Variants in GUCY1A2 observed in about 807,000 individuals in gnomAD.
GUCY1A2 encodes the protein guanylate cyclase 1 soluble subunit alpha 2.
GUCY1A2 carries 27 observed loss-of-function variants against 63.5 expected under a neutral mutation model. That is an observed-to-expected ratio of 0.43 (90% CI 0.31 to 0.59). The LOEUF is 0.59. GUCY1A2 is among the 20% of genes least tolerant of loss of function. GUCY1A2 has a pLI of 0.11. For synonymous variants in GUCY1A2, 364 were observed against 343.5 expected, an observed-to-expected ratio of 1.06 and a Z score of -0.66; for missense variants, 768 against 913.3, an observed-to-expected ratio of 0.84 and a Z score of 2.05.
At chr11:106,856,153 T>C (rs1859431352) in intron 4 of GUCY1A2, among the ~76,000 whole-genome samples, 3 of 151,592 alleles carry the variant, frequency 2.0e-5, no homozygotes, top group South Asian at 4.2e-4. Context: ...AGCCAGGCAT[T>C]GTGGTGGGTG....
chr11:106,688,508 G>A (rs1176353984), intron 7 of GUCY1A2, among the ~76,000 whole-genome samples: 2 of 152,142 alleles, frequency 1.3e-5, no homozygotes, highest in African/African-American at 4.8e-5. Context: ...GCTCTTGATA[G>A]ACTGTTTCTT....
At chr11:106,843,988 G>A (rs1407702402) in intron 4 of GUCY1A2, among the ~76,000 whole-genome samples, 1 of 151,824 alleles carries the variant, frequency 6.6e-6, no homozygotes, top group Non-Finnish European at 1.5e-5. Flanking sequence ...CATATCATTG[G>A]AGGGCACTCT....
intron 4 of GUCY1A2, among the ~76,000 whole-genome samples, chr11:106,872,717 C>G (rs1302350338): frequency 6.6e-6 from 1 of 152,148 alleles, no homozygotes; most frequent in African/African-American, 2.4e-5. Flanking sequence ...GTCTGGATGA[C>G]CAATTTAAGT....
chr11:106,774,280 C>T (rs544363009), intron 6 of GUCY1A2, among the ~76,000 whole-genome samples: 5 of 151,988 alleles, frequency 3.3e-5, no homozygotes, highest in South Asian at 4.2e-4. Flanking sequence ...TACAGACGCC[C>T]GCCACCACAC....
chr11:106,795,675 A>C (rs1431792245), intron 5 of GUCY1A2, among the ~76,000 whole-genome samples: 1 of 152,168 alleles, frequency 6.6e-6, no homozygotes, highest in Admixed American at 6.6e-5. Flanking sequence ...AAAATGCATC[A>C]AAACTTATTT....
At chr11:106,746,482 A>G in intron 6 of GUCY1A2, 1 of 763,230 alleles carries the variant, frequency 1.3e-6, no homozygotes, top group Non-Finnish European at 2.2e-6. Context: ...TACTCAAGGA[A>G]GTAAGTAATA....
chr11:106,721,011 A>G (rs987493452), intron 6 of GUCY1A2, among the ~76,000 whole-genome samples: 1 of 152,100 alleles, frequency 6.6e-6, no homozygotes, highest in Non-Finnish European at 1.5e-5. Flanking sequence ...TCAAAAATTT[A>G]TTTAAAAATG....
intron 4 of GUCY1A2, among the ~76,000 whole-genome samples, chr11:106,880,425 C>T (rs1358185129): frequency 6.6e-6 from 1 of 151,874 alleles, no homozygotes; most frequent in Non-Finnish European, 1.5e-5. Flanking sequence ...AGCCCACTGC[C>T]GCTGGACCAC....
intron 4 of GUCY1A2, among the ~76,000 whole-genome samples, chr11:106,859,436 T>C (rs1859479042): frequency 1.3e-5 from 2 of 151,974 alleles, no homozygotes; most frequent in Admixed American, 1.3e-4. Flanking sequence ...TGTTAAAAAA[T>C]AAATTACAAG....
chr11:106,874,713 A>ACT (rs915069276), intron 4 of GUCY1A2, among the ~76,000 whole-genome samples: 1 of 151,782 alleles, frequency 6.6e-6, no homozygotes, highest in African/African-American at 2.4e-5. Context: ...CAACAGAACT[A>ACT]CTCTCTCTGC....
intron 6 of GUCY1A2, among the ~76,000 whole-genome samples, chr11:106,719,874 A>T (rs1488400189): frequency 6.6e-6 from 1 of 152,232 alleles, no homozygotes; most frequent in African/African-American, 2.4e-5. Flanking sequence ...CAAATAATCA[A>T]TACTGCAGGA....
intron 4 of GUCY1A2, among the ~76,000 whole-genome samples, chr11:106,926,333 G>A (rs1009534779): frequency 6.6e-6 from 1 of 151,752 alleles, no homozygotes; most frequent in Admixed American, 6.6e-5. Flanking sequence ...AGCTACCCGG[G>A]AGGCTGAGGC....
At chr11:106,947,601 T>C (rs1860848038) in intron 3 of GUCY1A2, among the ~76,000 whole-genome samples, 1 of 152,034 alleles carries the variant, frequency 6.6e-6, no homozygotes, top group Admixed American at 6.6e-5. Flanking sequence ...ATTGCTCAAA[T>C]ACTTGATCAT....
intron 6 of GUCY1A2, among the ~76,000 whole-genome samples, chr11:106,735,569 T>C (rs915933128): frequency 6.6e-6 from 1 of 152,208 alleles, no homozygotes; most frequent in Admixed American, 6.5e-5. Context: ...ATCTTGGCTA[T>C]TGTGACTAGC....
intron 4 of GUCY1A2, among the ~76,000 whole-genome samples, chr11:106,891,716 A>C (rs1284397241): frequency 6.6e-6 from 1 of 152,114 alleles, no homozygotes; most frequent in Non-Finnish European, 1.5e-5. Context: ...GTCAAAAATC[A>C]ATATATATTT....
intron 6 of GUCY1A2, among the ~76,000 whole-genome samples, chr11:106,736,292 T>TTTTGA (rs1565273442): frequency 2.0e-5 from 3 of 152,186 alleles, no homozygotes; most frequent in Non-Finnish European, 4.4e-5. Context: ...CTTTAATCTA[T>TTTTGA]TTTGATTTGA....
chr11:106,746,201 A>G (rs1310647696), intron 6 of GUCY1A2, among the ~76,000 whole-genome samples: 1 of 152,072 alleles, frequency 6.6e-6, no homozygotes, highest in African/African-American at 2.4e-5. Context: ...GGAAAAAAAA[A>G]AGCTTTGAAC....
At chr11:106,725,407 CG>C in intron 6 of GUCY1A2, among the ~76,000 whole-genome samples, 1 of 47,284 alleles carries the variant, frequency 2.1e-5, no homozygotes, top group Non-Finnish European at 5.0e-5. Context: ...CTCCTGACCT[CG>C]TGATCCGCCC....
At chr11:106,736,712 G>A (rs924238771) in intron 6 of GUCY1A2, among the ~76,000 whole-genome samples, 3 of 152,114 alleles carry the variant, frequency 2.0e-5, no homozygotes, top group African/African-American at 7.2e-5. Flanking sequence ...TCTGTAGATT[G>A]CTTTGGGTAG....
Sources: gnomAD v4.1 joint callset for allele counts (sites outside exome capture counted in the v4.1 genomes callset) on GRCh38, gnomAD v4.1.1 for gene constraint, MANE v1.5 for transcripts, NCBI Gene and HGNC (gene_info 2026-07-23, HGNC 2026-07-21) for gene names.